LAMA3: variants seen among roughly 807,000 people sequenced by gnomAD.
The protein encoded by LAMA3 is laminin subunit alpha 3.
Under a neutral mutation model 402.0 loss-of-function variants are expected in LAMA3, and 281 were observed. That is an observed-to-expected ratio of 0.70 (90% CI 0.63 to 0.77). The LOEUF (loss-of-function observed/expected upper bound fraction) is 0.77, where lower values mean the gene tolerates loss of function less well. LAMA3 is among the 30% of genes least tolerant of loss of function. LAMA3 has a pLI of 0.00. For missense variants in LAMA3, 3,840 were observed against 4,215.5 expected (o/e 0.91, Z 2.47); for synonymous variants, 1,431 against 1,558.4 (o/e 0.92, Z 1.93).
chr18:23,731,224 T>C (rs2061389890), intron 2 of LAMA3, among the ~76,000 whole-genome samples: 1 of 152,194 alleles, frequency 6.6e-6, no homozygotes, highest in African/African-American at 2.4e-5. Flanking sequence ...TCTTAAATGT[T>C]TCCAGTGACA....
chr18:23,932,413 C>T, intron 66 of LAMA3, 122 bp downstream of exon 66: 2 of 1,100,018 alleles, frequency 1.8e-6, no homozygotes, highest in South Asian at 2.6e-5. Context: ...CCGCATACCA[C>T]AGTCTTTCAA....
In LAMA3 at chr18:23,895,087, C is replaced by G. The variant is rs746459884; in HGVS notation, c.5613+29C>G. 10 of 1,565,054 alleles carry G rather than the reference C, an allele frequency of 6.4e-6. No homozygotes were observed. In the East Asian group the frequency reaches 2.1e-4, roughly 33 times the overall value. Reference sequence around the variant, plus strand: ...AATCCCCTGCGGCCGAGAGTAGACACGTGGGGAGGAGATGCTGCGGGAGTG... The same window carrying G: ...AATCCCCTGCGGCCGAGAGTAGACAGGTGGGGAGGAGATGCTGCGGGAGTG... On this transcript the variant is annotated intron_variant, in intron 44 of 74. Coordinates refer to ENST00000313654, the MANE Select transcript of LAMA3 (RefSeq NM_198129.4).
chr18:23,759,125 G>C (rs1490507131), intron 7 of LAMA3, among the ~76,000 whole-genome samples: 5 of 151,734 alleles, frequency 3.3e-5, no homozygotes, highest in Non-Finnish European at 7.4e-5. Context: ...GATTGCTTGA[G>C]GCCAGGAGTT....
intron 24 of LAMA3, among the ~76,000 whole-genome samples, chr18:23,835,656 C>T (rs2063567298): frequency 6.6e-6 from 1 of 152,130 alleles, no homozygotes; most frequent in East Asian, 1.9e-4. Flanking sequence ...GGCTAAAATA[C>T]TTCCTCTTTC....
At chr18:23,948,489 A>G (rs2082786531) in intron 70 of LAMA3, among the ~76,000 whole-genome samples, 1 of 152,196 alleles carries the variant, frequency 6.6e-6, no homozygotes, top group Non-Finnish European at 1.5e-5. Flanking sequence ...TAAGAAACTA[A>G]AAGTTTCATA....
intron 51 of LAMA3, 74 bp from the exon 52 acceptor site, chr18:23,905,448 C>G: frequency 1.2e-6 from 1 of 861,108 alleles, no homozygotes. Context: ...GGGCTTCAGA[C>G]TAGGATAGAA....
intron 32 of LAMA3, among the ~76,000 whole-genome samples, chr18:23,850,502 GT>G (rs2063919844): frequency 6.6e-6 from 1 of 152,138 alleles, no homozygotes; most frequent in Non-Finnish European, 1.5e-5. Context: ...GTAAAATGAA[GT>G]TTAGTAAAAT....
chr18:23,804,620 G>C lies in LAMA3; in HGVS notation c.1604-5746G>C, dbSNP rs537427339. ...TAAATTATGACACAGGACCAGAGTT[G>C]ATAGACCCCTGATGTAGGACAGTGA... On this transcript the variant is annotated intron_variant, in intron 12 of 74. Transcript: ENST00000313654. 3.3e-5 allele frequency among the ~76,000 whole-genome samples: 5 copies of C among 152,262 alleles called. No individual in the cohort carries two copies. In the South Asian group the frequency reaches 8.3e-4, roughly 25 times the overall value.
At chr18:23,773,109 C>A (rs1023017026) in intron 8 of LAMA3, among the ~76,000 whole-genome samples, 1 of 152,146 alleles carries the variant, frequency 6.6e-6, no homozygotes, top group African/African-American at 2.4e-5. Flanking sequence ...CACACATGAC[C>A]CTTGGGTTAA....
At chr18:23,894,449 T>A in intron 43 of LAMA3, 101 bp downstream of exon 43, 2 of 1,081,710 alleles carry the variant, frequency 1.8e-6, no homozygotes, top group Non-Finnish European at 2.9e-6. Context: ...TCTGGGAAAG[T>A]AAGGGTGGGA....
At chr18:23,888,665 G>T (rs1350304518) in intron 41 of LAMA3, among the ~76,000 whole-genome samples, 1 of 152,200 alleles carries the variant, frequency 6.6e-6, no homozygotes, top group Non-Finnish European at 1.5e-5. Flanking sequence ...TATATCAACA[G>T]TGTATCCATG....
chr18:23,835,922 T>G (rs566896461), intron 24 of LAMA3, among the ~76,000 whole-genome samples: 17 of 152,320 alleles, frequency 1.1e-4, no homozygotes, highest in African/African-American at 4.1e-4. Flanking sequence ...AAAGTAGTGC[T>G]GTGATAAATC....
In LAMA3 at chr18:23,824,626, C is replaced by T. The variant is rs530789602; in HGVS notation, c.2571+61C>T. On this transcript the variant is annotated intron_variant, in intron 21 of 74. Coordinates refer to ENST00000313654, the MANE Select transcript of LAMA3 (RefSeq NM_198129.4). ...ATTCTTCCTACCTCAGAAGTGGTTCCATCCAAGACTACAATCCACAGCGAC... is the reference window on the plus strand; with the variant it reads ...ATTCTTCCTACCTCAGAAGTGGTTCTATCCAAGACTACAATCCACAGCGAC... 21 of 1,550,376 alleles carry T rather than the reference C, an allele frequency of 1.4e-5. No individual in the cohort carries two copies. The Admixed American group carries it at 3.3e-4, about 25-fold the overall frequency.
At chr18:23,784,852 G>C (rs1360666508) in intron 12 of LAMA3, among the ~76,000 whole-genome samples, 1 of 152,192 alleles carries the variant, frequency 6.6e-6, no homozygotes, top group Non-Finnish European at 1.5e-5. Context: ...AATGGTGTAG[G>C]GGAAGGGAGG....
chr18:23,744,379 A>G (rs368925676), intron 2 of LAMA3, among the ~76,000 whole-genome samples: 64 of 152,314 alleles, frequency 4.2e-4, no homozygotes, highest in African/African-American at 1.4e-3. Context: ...AATGGGAGGG[A>G]AACATTGAAA....
intron 2 of LAMA3, among the ~76,000 whole-genome samples, chr18:23,740,019 A>T (rs997793030): frequency 2.6e-5 from 4 of 152,190 alleles, no homozygotes; most frequent in Non-Finnish European, 5.9e-5. Context: ...TCAGCAAAAA[A>T]GTGTGAATGA....
intron 48 of LAMA3, 81 bp downstream of exon 48, chr18:23,901,404 T>C: frequency 8.3e-7 from 1 of 1,212,116 alleles, no homozygotes; most frequent in Non-Finnish European, 1.2e-6. Context: ...TAAAGTGGCA[T>C]AGCCAGGCAC....
At chr18:23,877,470 G>A (rs1382886738) in intron 39 of LAMA3, among the ~76,000 whole-genome samples, 1 of 152,172 alleles carries the variant, frequency 6.6e-6, no homozygotes, top group African/African-American at 2.4e-5. Flanking sequence ...CAGGAATACA[G>A]GGCTTCAGTT....
chr18:23,733,978 T>C (rs577158454), intron 2 of LAMA3, among the ~76,000 whole-genome samples: 2 of 152,382 alleles, frequency 1.3e-5, no homozygotes, highest in African/African-American at 4.8e-5. Context: ...GCTTCTAATG[T>C]ACACTGAAGT....
Sources: allele counts gnomAD v4.1 joint callset (sites outside exome capture counted in the v4.1 genomes callset), GRCh38; gene constraint gnomAD v4.1.1; transcripts MANE v1.5; gene names NCBI Gene and HGNC (gene_info 2026-07-23, HGNC 2026-07-21).